Variants in CLK3 observed in about 807,000 individuals in gnomAD.
CLK3 encodes the protein dual specificity protein kinase CLK3.
A neutral mutation model predicts 65.2 loss-of-function variants in CLK3; 24 were observed. The observed-to-expected ratio is 0.37, with a 90% CI of 0.27 to 0.52. The LOEUF is 0.52. Among genes scored for constraint, CLK3 ranks in the 20% least tolerant of loss-of-function variants. The pLI is 0.92. For synonymous variants in CLK3, 252 were observed against 240.8 expected (o/e 1.05, Z -0.43); for missense variants, 506 against 660.0 (o/e 0.77, Z 2.56).
At chr15:74,619,940 T>TA in intron 2 of CLK3, 69 bp from the exon 3 acceptor site, 2 of 1,606,518 alleles carry the variant, frequency 1.2e-6, no homozygotes, top group African/African-American at 1.3e-5. Flanking sequence ...ACAGTGGCCT[T>TA]ACCACAGGTC....
chr15:74,622,083 A>G lies in CLK3; in HGVS notation c.370-37A>G. On this transcript the variant is annotated intron_variant, in intron 3 of 12. Coordinates refer to ENST00000395066, the MANE Select transcript of CLK3 (RefSeq NM_001130028.2). The surrounding 1 kb of genome is among the most constrained non-coding windows in gnomAD (Gnocchi z 4.6). Reference sequence around the variant, plus strand: ...GTCAATCGGAACCGCCTACCATGCGATTGGTCGGATGGCGTTTCGGGGGGC... The same window carrying G: ...GTCAATCGGAACCGCCTACCATGCGGTTGGTCGGATGGCGTTTCGGGGGGC... 1 of 1,595,712 alleles carries G rather than the reference A, an allele frequency of 6.3e-7. No homozygotes were observed. The highest frequency in any genetic ancestry group is 8.6e-7 in the Non-Finnish European group (1 of 1,163,602).
Position 74,625,884 on chromosome 15 carries a change from G to C in CLK3, c.733G>C (p.Glu245Gln). Residue 245 changes from glutamate (E) to glutamine (Q), a missense_variant, in exon 7 of 13, where the codon GAG becomes CAG. Physicochemically the swap from Glu to Gln is conservative, Grantham distance 29. Coordinates refer to ENST00000395066, the MANE Select transcript of CLK3 (RefSeq NM_001130028.2). ...TGAGCTCCTGGGCAAGAACACCTTT[G>C]AGTTCCTGAAGGAGAATAACTTCCA... ...AFELLGKNTF[E>Q]FLKENNFQPY... 6.2e-7 allele frequency: 1 copy of C among 1,614,136 alleles called. No individual in the cohort carries two copies. The highest frequency in any genetic ancestry group is 8.5e-7 in the Non-Finnish European group (1 of 1,180,028).
At chr15:74,616,160 C>G (rs1050309112) in intron 1 of CLK3, among the ~76,000 whole-genome samples, 1 of 152,232 alleles carries the variant, frequency 6.6e-6, no homozygotes, top group African/African-American at 2.4e-5. Flanking sequence ...CCAGTTTGGG[C>G]TCTGTGCCTG....
chr15:74,616,652 G>C (rs2062062662), intron 1 of CLK3, among the ~76,000 whole-genome samples: 1 of 152,264 alleles, frequency 6.6e-6, no homozygotes, highest in African/African-American at 2.4e-5. Flanking sequence ...TGATGCCCTT[G>C]AAAAGGAGGA....
rs375613018 is a variant in CLK3, at chr15:74,627,481, G to T, written c.912+35G>T. 9.9e-6 allele frequency: 16 copies of T among 1,614,214 alleles called. No individual in the cohort carries two copies. Among genetic ancestry groups the T allele is most frequent in the Non-Finnish European group, 1.3e-5 (15 of 1,180,008 alleles). On this transcript the variant is annotated intron_variant, in intron 8 of 12. Transcript: ENST00000395066. The surrounding 1 kb of genome is among the most constrained non-coding windows in gnomAD (Gnocchi z 4.3). The stretch of plus-strand genomic sequence containing the variant: ...GGGGTAAGGGTGAGGCCCTGTTTCA[G>T]GGGTGGGTTACCCGCTGGTGCAGAC...
rs748953417 is a variant in CLK3, at chr15:74,627,367, A to G, written c.833A>G (p.Gln278Arg). ...CHALRFLHENQLTHTDLKPEN... is the reference protein window; with the variant it reads ...CHALRFLHENRLTHTDLKPEN... ...GCTACCTTAGTTCTGCATGAGAATC[A>G]GCTGACCCATACAGACTTGAAACCA... Residue 278 changes from glutamine to arginine, a missense_variant, in exon 8 of 13, where the codon CAG becomes CGG. Physicochemically the swap from Gln to Arg is conservative, Grantham distance 43. Transcript: ENST00000395066. This position sits in a 1 kb window ranked among gnomAD's most constrained non-coding sequence, Gnocchi z 4.3. The G allele has an allele frequency of 2.4e-5, 38 of 1,613,744 alleles. No homozygotes were observed. The South Asian group carries it at 3.8e-4, about 16-fold the overall frequency.
chr15:74,615,970 C>T (rs1263521878), intron 1 of CLK3, 72 bp downstream of exon 1: 15 of 1,110,774 alleles, frequency 1.4e-5, no homozygotes, highest in Non-Finnish European at 1.6e-5. Context: ...GGGGCAGGCG[C>T]GCTGGTGCCA....
Position 74,622,461 on chromosome 15 carries a change from A to G in CLK3, c.467-33A>G. On this transcript the variant is annotated intron_variant, in intron 4 of 12. Transcript: ENST00000395066. This position sits in a 1 kb window ranked among gnomAD's most constrained non-coding sequence, Gnocchi z 4.6. ...AGGAGCTGCCAACCCCCTGCCCTCC[A>G]GATTCTCATGCCCAATTTCTTTTCT... The G allele has an allele frequency of 1.3e-6, 2 of 1,562,316 alleles. No individual in the cohort carries two copies. Among genetic ancestry groups the G allele is most frequent in the Non-Finnish European group, 1.7e-6 (2 of 1,148,780 alleles).
intron 7 of CLK3, among the ~76,000 whole-genome samples, 153 bp downstream of exon 7, chr15:74,626,121 T>C (rs2062141744): frequency 6.6e-6 from 1 of 152,128 alleles, no homozygotes; most frequent in African/African-American, 2.4e-5. Flanking sequence ...GGCCTGTCTT[T>C]GGGTGGGAAT....
At chr15:74,611,244 G>A (rs185973377), upstream of CLK3, among the ~76,000 whole-genome samples, 1 of 152,142 alleles carries the variant, frequency 6.6e-6, no homozygotes, top group African/African-American at 2.4e-5. Flanking sequence ...TCTCCTCTGG[G>A]TGCCCCAGAC....
rs761461135 is a variant in CLK3 at position 74,628,653 on chromosome 15, C to T, written c.1175C>T (p.Pro392Leu). 1 of 1,613,554 alleles carries T rather than the reference C, an allele frequency of 6.2e-7. No individual in the cohort carries two copies. The highest frequency in any genetic ancestry group is 1.1e-5 in the South Asian group (1 of 91,046). Residue 392 changes from proline to leucine, a missense_variant, in exon 11 of 13, where the codon CCC becomes CTC. Pro to Leu is a moderately conservative substitution (Grantham distance 98). Coordinates refer to ENST00000395066, the MANE Select transcript of CLK3 (RefSeq NM_001130028.2). ...GTGATGATGGAGAAGATCCTAGGGC[C>T]CATCCCATCACACATGATCCACCGT... ...HLVMMEKILG[P>L]IPSHMIHRTR...
chr15:74,629,477 G>T (rs2062175168), intron 12 of CLK3: 1 of 578,382 alleles, frequency 1.7e-6, no homozygotes, highest in African/African-American at 1.9e-5. Flanking sequence ...TGGGGGCAGA[G>T]GCATCAACCC....
chr15:74,629,957 G>GCCAGGCC lies in CLK3; in HGVS notation c.*82_*88dup. ...CAGCCCCTTGACTCCAGCCTCGACCGCCAGGCCCCAGGCCAGAGCCACCCA... is the reference window on the plus strand; with the variant it reads ...CAGCCCCTTGACTCCAGCCTCGACCGCCAGGCCCCAGGCCCCAGGCCAGAGCCACCCA... On this transcript the variant is annotated 3_prime_UTR_variant, in exon 13 of 13. Transcript: ENST00000395066. The GCCAGGCC allele has an allele frequency of 6.9e-7, 1 of 1,439,638 alleles. No homozygotes were observed. The highest frequency in any genetic ancestry group is 9.4e-7 in the Non-Finnish European group (1 of 1,059,790). 89.2% of individuals were successfully genotyped at this position (1,439,638 alleles called of 1,614,324 possible).
rs374462029 is a variant in CLK3, at chr15:74,624,932, C to T, written c.564C>T (p.Ile188=). The change falls in exon 6 of 13, where the codon ATC becomes ATT. Residue 188 remains isoleucine (I), a synonymous_variant. Coordinates refer to ENST00000395066, the MANE Select transcript of CLK3 (RefSeq NM_001130028.2). This position sits in a 1 kb window ranked among gnomAD's most constrained non-coding sequence, Gnocchi z 4.2. The stretch of plus-strand genomic sequence containing the variant: ...AGTCTCAGGTTGCCCTGAAGATCAT[C>T]CGCAACGTGGGCAAGTACCGGGAGG... ...RGKSQVALKI[I]RNVGKYREAA... 1.2e-6 allele frequency: 2 copies of T among 1,609,652 alleles called. No homozygotes were observed. Among genetic ancestry groups the T allele is most frequent in the African/African-American group, 1.3e-5 (1 of 74,848 alleles).
upstream of CLK3, among the ~76,000 whole-genome samples, chr15:74,612,851 T>A (rs2062008033): frequency 6.6e-6 from 1 of 152,210 alleles, no homozygotes; most frequent in Non-Finnish European, 1.5e-5. Context: ...ACCTGGGTGC[T>A]CTGTCTTGCC....
rs779348294 is a variant in CLK3 at position 74,615,883 on chromosome 15, C to T, written c.-16C>T. 1.0e-5 allele frequency: 13 copies of T among 1,254,060 alleles called. No individual in the cohort carries two copies. In the South Asian group the frequency reaches 3.6e-4, roughly 35 times the overall value. The allele number at this position is 1,254,060 out of a possible 1,614,324, so 77.7% of individuals were successfully genotyped here. ...GCGGGGAGTGGGGCCTAGCTGCAGC[C>T]GGAGCCTGGGAGACGGTAAGTGTGG... On this transcript the variant is annotated 5_prime_UTR_variant, in exon 1 of 13. Transcript: ENST00000395066.
rs953222694 is a variant in CLK3 at position 74,630,100 on chromosome 15, T to C, written c.*217T>C. On this transcript the variant is annotated 3_prime_UTR_variant, in exon 13 of 13. Coordinates refer to ENST00000395066, the MANE Select transcript of CLK3 (RefSeq NM_001130028.2). ...TATATGTTATAAAGTTATAATAAAG[T>C]GTTTCTTACTGTTTGTAACCCCTGG... 2 of 518,592 alleles carry C rather than the reference T, an allele frequency of 3.9e-6. No individual in the cohort carries two copies. Among genetic ancestry groups the C allele is most frequent in the African/African-American group, 3.8e-5 (2 of 52,844 alleles). The allele number at this position is 518,592 out of a possible 1,614,324, so 32.1% of individuals were successfully genotyped here.
chr15:74,620,099 G>A lies in CLK3; in HGVS notation c.243G>A (p.Glu81=). The change falls in exon 3 of 13, where the codon GAG becomes GAA. Residue 81 remains glutamate (E), a synonymous_variant. Transcript: ENST00000395066. The part of the protein sequence containing the change: ...RCEERSPSFG[E]DYYGPSRSRH... The stretch of plus-strand genomic sequence containing the variant: ...AAGAGCGGAGCCCATCCTTTGGAGA[G>A]GACTACTATGGACCTTCACGTTCTC... The A allele has an allele frequency of 6.2e-7, 1 of 1,614,198 alleles. No individual in the cohort carries two copies. Among genetic ancestry groups the A allele is most frequent in the Non-Finnish European group, 8.5e-7 (1 of 1,180,038 alleles).
intron 5 of CLK3, among the ~76,000 whole-genome samples, chr15:74,623,121 G>A (rs1291227697): frequency 6.6e-6 from 1 of 152,190 alleles, no homozygotes; most frequent in African/African-American, 2.4e-5. Flanking sequence ...GGGTATACCT[G>A]TGTGTGTCAT....
Sources: gnomAD v4.1 joint callset for allele counts (sites outside exome capture counted in the v4.1 genomes callset) on GRCh38, gnomAD v4.1.1 for gene constraint, Gnocchi (gnomAD v3.1) non-coding constraint, MANE v1.5 for transcripts, NCBI Gene and HGNC (gene_info 2026-07-23, HGNC 2026-07-21) for gene names.